Variants in ADARB2 observed in about 807,000 individuals in gnomAD.
ADARB2 encodes inactive double-stranded RNA-specific editase B2.
A neutral mutation model predicts 62.2 loss-of-function variants in ADARB2; 25 were observed. That is an observed-to-expected ratio of 0.40 (90% CI 0.29 to 0.56). The LOEUF is 0.56. ADARB2 is among the 20% of genes least tolerant of loss of function. The probability of loss-of-function intolerance (pLI) is 0.43; values close to 1 mark genes in which losing one functional copy is unlikely to be tolerated. For synonymous variants in ADARB2, 572 were observed against 500.8 expected, an observed-to-expected ratio of 1.14 and a Z score of -1.90; for missense variants, 1,071 against 1,077.4, an observed-to-expected ratio of 0.99 and a Z score of 0.08.
chr10:1,335,505 A>AGATG (rs371618685), intron 3 of ADARB2, among the ~76,000 whole-genome samples: 321 of 145,514 alleles, frequency 2.2e-3, no homozygotes, highest in African/African-American at 7.4e-3. Flanking sequence ...GTAGAAGGAC[A>AGATG]GATGGATGGA....
At chr10:1,541,834 A>C (rs1832433265) in intron 1 of ADARB2, among the ~76,000 whole-genome samples, 1 of 34,896 alleles carries the variant, frequency 2.9e-5, no homozygotes. Flanking sequence ...CCTGGATCAC[A>C]GCCGTCCAGA....
intron 1 of ADARB2, among the ~76,000 whole-genome samples, chr10:1,432,300 A>C (rs1313470636): frequency 6.6e-6 from 1 of 152,116 alleles, no homozygotes; most frequent in Non-Finnish European, 1.5e-5. Context: ...TAGAATATCA[A>C]GATGGAATTT....
At chr10:1,620,192 C>T (rs1374041116) in intron 1 of ADARB2, among the ~76,000 whole-genome samples, 1 of 151,922 alleles carries the variant, frequency 6.6e-6, no homozygotes, top group African/African-American at 2.4e-5. Flanking sequence ...GAGCAAAAAT[C>T]CATGAAATAG....
intron 1 of ADARB2, among the ~76,000 whole-genome samples, chr10:1,635,197 T>G (rs1329156784): frequency 6.6e-6 from 1 of 152,182 alleles, no homozygotes; most frequent in African/African-American, 2.4e-5. Flanking sequence ...ACACACAATT[T>G]TAATAGGTTA....
chr10:1,230,128 C>T (rs1031558183), intron 6 of ADARB2, among the ~76,000 whole-genome samples: 4 of 151,984 alleles, frequency 2.6e-5, no homozygotes, highest in Admixed American at 1.3e-4. Flanking sequence ...GCTCCTCTGG[C>T]CCCCAGCAAA....
At chr10:1,630,291 C>T (rs1288080479) in intron 1 of ADARB2, among the ~76,000 whole-genome samples, 1 of 152,184 alleles carries the variant, frequency 6.6e-6, no homozygotes, top group Non-Finnish European at 1.5e-5. Flanking sequence ...GAGAAGATGA[C>T]ACTCGTGCAG....
intron 1 of ADARB2, among the ~76,000 whole-genome samples, chr10:1,718,517 A>C (rs1256526646): frequency 6.6e-6 from 1 of 152,164 alleles, no homozygotes; most frequent in East Asian, 1.9e-4. Flanking sequence ...TGAGTCCACA[A>C]TCGAGTCTCT....
intron 1 of ADARB2, among the ~76,000 whole-genome samples, chr10:1,729,421 C>T (rs181234749): frequency 2.0e-5 from 3 of 152,288 alleles, no homozygotes; most frequent in Middle Eastern, 3.4e-3. Flanking sequence ...CAGCTATAAG[C>T]CCAATGCAAG....
At chr10:1,728,511 C>A (rs116033603) in intron 1 of ADARB2, among the ~76,000 whole-genome samples, 1 of 152,194 alleles carries the variant, frequency 6.6e-6, no homozygotes, top group South Asian at 2.1e-4. Context: ...CATCCCTCTA[C>A]GTCGTGTGCA....
intron 1 of ADARB2, among the ~76,000 whole-genome samples, chr10:1,521,146 A>G (rs1214506755): frequency 6.6e-6 from 1 of 152,130 alleles, no homozygotes; most frequent in Non-Finnish European, 1.5e-5. Flanking sequence ...GTGGCTGTAA[A>G]AACTCTGTAT....
chr10:1,380,305 G>T (rs1205037203), intron 1 of ADARB2, among the ~76,000 whole-genome samples: 1 of 152,382 alleles, frequency 6.6e-6, no homozygotes, highest in Non-Finnish European at 1.5e-5. Flanking sequence ...AAGTTCCAGG[G>T]CACTGGCTGT....
intron 8 of ADARB2, chr10:1,186,475 C>A: frequency 1.9e-6 from 1 of 518,980 alleles, no homozygotes; most frequent in Non-Finnish European, 3.8e-6. Flanking sequence ...GAATCTCCCA[C>A]CTCCCGCGGC....
chr10:1,687,969 T>A (rs1834617361), intron 1 of ADARB2, among the ~76,000 whole-genome samples: 1 of 152,244 alleles, frequency 6.6e-6, no homozygotes, highest in Non-Finnish European at 1.5e-5. Context: ...CACAGCCTAC[T>A]TTTAAAGGCT....
intron 1 of ADARB2, among the ~76,000 whole-genome samples, chr10:1,595,043 G>T (rs1277713226): frequency 6.6e-6 from 1 of 152,164 alleles, no homozygotes; most frequent in Non-Finnish European, 1.5e-5. Flanking sequence ...TCCTAGACCT[G>T]CCCGCCCAGC....
rs572849337 is a variant in ADARB2 at position 1,364,576 on chromosome 10, G to T, written c.188-659C>A. On this transcript the variant is annotated intron_variant, in intron 2 of 9. Transcript: ENST00000381312. ...CTAGGGATTCAACTAACTGTGGAGAGAAAGTATTCGGGAAAAAATGGATGA... is the reference window on the plus strand; with the variant it reads ...CTAGGGATTCAACTAACTGTGGAGATAAAGTATTCGGGAAAAAATGGATGA... Among the ~76,000 whole-genome samples the T allele has an allele frequency of 6.6e-5, 10 of 152,348 alleles. No homozygotes were observed. In the East Asian group the frequency reaches 1.9e-3, roughly 29 times the overall value.
chr10:1,372,901 G>A (rs983982265), intron 2 of ADARB2, among the ~76,000 whole-genome samples: 1 of 152,140 alleles, frequency 6.6e-6, no homozygotes, highest in African/African-American at 2.4e-5. Flanking sequence ...TTAGCTGCAC[G>A]TCAGGATTCT....
intron 6 of ADARB2, among the ~76,000 whole-genome samples, chr10:1,219,370 T>G (rs1391697737): frequency 7.2e-5 from 11 of 152,256 alleles, no homozygotes; most frequent in Admixed American, 7.2e-4. Flanking sequence ...ATTTTCTAAT[T>G]GTCTGTAAGA....
At position 1,675,515 on chromosome 10, in the gene ADARB2, T is replaced by C. The variant is rs908303764; in HGVS notation, c.100+61536A>G. 3.2e-5 allele frequency: 30 copies of C among 949,098 alleles called. 1 individual carries two copies. Among genetic ancestry groups the C allele is most frequent in the Non-Finnish European group, 3.6e-5 (29 of 798,610 alleles). The allele number at this position is 949,098 out of a possible 1,614,324, so 58.8% of individuals were successfully genotyped here. A position where few individuals can be genotyped will look rare whatever the true frequency, so the allele number is the denominator to read the frequency against. ...TGTTCTGGAGGTTTGGGTTTGGGGA[T>C]GCGTGGATGTTCAGGAGGTTTGGGT... On this transcript the variant is annotated intron_variant, in intron 1 of 9. Transcript: ENST00000381312.
intron 1 of ADARB2, among the ~76,000 whole-genome samples, chr10:1,516,626 C>T (rs1832012609): frequency 6.6e-6 from 1 of 152,174 alleles, no homozygotes; most frequent in Admixed American, 6.5e-5. Context: ...CAATGCCCTC[C>T]CGTTTTATGC....
Sources: gnomAD v4.1 joint callset for allele counts (sites outside exome capture counted in the v4.1 genomes callset) on GRCh38, gnomAD v4.1.1 for gene constraint, MANE v1.5 for transcripts, NCBI Gene and HGNC (gene_info 2026-07-23, HGNC 2026-07-21) for gene names.